The following ZNF575 variants were observed in gnomAD, a reference collection of about 807,000 sequenced individuals.
ZNF575 encodes zinc finger protein 575.
ZNF575 carries 17 observed loss-of-function variants against 17.5 expected under a neutral mutation model. The observed-to-expected ratio is 0.97, with a 90% CI of 0.66 to 1.45. ZNF575 has a LOEUF of 1.45. Ranked by LOEUF, ZNF575 falls within the 40% of genes most tolerant of loss-of-function variation. ZNF575 has a pLI of 0.00. For missense variants in ZNF575, 352 were observed against 359.2 expected (o/e 0.98, Z 0.16); for synonymous variants, 146 against 158.3 (o/e 0.92, Z 0.58).
rs1481951370 is a variant in ZNF575 at position 43,535,648 on chromosome 19, C to A, written c.699C>A (p.Arg233=). 3.1e-6 allele frequency: 5 copies of A among 1,612,808 alleles called. No individual in the cohort carries two copies. The highest frequency in any genetic ancestry group is 1.3e-5 in the African/African-American group (1 of 74,920). Residue 233 remains arginine, a synonymous_variant, in exon 4 of 4, where the codon CGC becomes CGA. Transcript: ENST00000314228. ...GQRRLLLLHQ[R]SHHQVEHKGE... is the part of the protein sequence containing the mutation. Reference sequence around the variant, plus strand: ...GACGCTTACTGCTCCTTCATCAACGCAGCCACCACCAGGTGGAGCACAAGG... The same window carrying A: ...GACGCTTACTGCTCCTTCATCAACGAAGCCACCACCAGGTGGAGCACAAGG...
Position 43,535,082 on chromosome 19 carries a change from G to A in ZNF575, c.133G>A (p.Ala45Thr), listed in dbSNP as rs1334860655. 1.3e-6 allele frequency: 2 copies of A among 1,487,132 alleles called. No homozygotes were observed. Among genetic ancestry groups the A allele is most frequent in the African/African-American group, 1.5e-5 (1 of 68,148 alleles). 92.1% of individuals were successfully genotyped at this position (1,487,132 alleles called of 1,614,324 possible). A position where few individuals can be genotyped will look rare whatever the true frequency, so the allele number is the denominator to read the frequency against. The change falls in exon 4 of 4, where the codon GCG (alanine) becomes ACG (threonine). Residue 45 changes from alanine to threonine, a missense_variant. Transcript: ENST00000314228. ...CAGCCAGTCAGCTCCAGGGCCCACC[G>A]CGTCCGCGGGCTCGCCTCCCCGGCC... ...KPSQSAPGPT[A>T]SAGSPPRPRR... is the part of the protein sequence containing the mutation.
At chr19:43,531,888 C>T (rs774491495), upstream of ZNF575, 99 of 662,376 alleles carry the variant, frequency 1.5e-4, no homozygotes, top group Non-Finnish European at 1.2e-4. Flanking sequence ...TGGGTGAGTC[C>T]CCACTCCCTA....
intron 3 of ZNF575, among the ~76,000 whole-genome samples, chr19:43,534,793 T>C (rs1209600930): frequency 2.0e-5 from 3 of 152,006 alleles, no homozygotes. Context: ...CTTGGTAGCT[T>C]TGAGGAAGCC....
rs112647205 is a variant in ZNF575, at chr19:43,534,704, G to A, written c.79+203G>A. Among the ~76,000 whole-genome samples the A allele has an allele frequency of 8.5e-3, 1,296 of 152,316 alleles. 18 individuals carry two copies. The highest frequency in any genetic ancestry group is 0.028 in the African/African-American group (1,178 of 41,568). On this transcript the variant is annotated intron_variant, in intron 3 of 3. Transcript: ENST00000314228. ...GACCATTTGCTAAGGCTCAGGAAATGAGCCTTACAGAAGGGACGGGTCAGG... is the reference window on the plus strand; with the variant it reads ...GACCATTTGCTAAGGCTCAGGAAATAAGCCTTACAGAAGGGACGGGTCAGG...
Position 43,535,553 on chromosome 19 carries a change from C to A in ZNF575, c.604C>A (p.Pro202Thr), listed in dbSNP as rs1431495755. 5 of 1,613,834 alleles carry A rather than the reference C, an allele frequency of 3.1e-6. No homozygotes were observed. Among genetic ancestry groups the A allele is most frequent in the Admixed American group, 1.7e-5 (1 of 60,000 alleles). The change falls in exon 4 of 4, where the codon CCA becomes ACA. Residue 202 changes from proline (P) to threonine (T), a missense_variant. Coordinates refer to ENST00000314228, the MANE Select transcript of ZNF575 (RefSeq NM_174945.3). ...LAAHRLCHDPPTAPGSQATAW... is the reference protein window; with the variant it reads ...LAAHRLCHDPTTAPGSQATAW... ...CGCCCATCGCCTATGTCACGACCCCCCAACCGCGCCCGGCAGCCAGGCGAC... is the reference window on the plus strand; with the variant it reads ...CGCCCATCGCCTATGTCACGACCCCACAACCGCGCCCGGCAGCCAGGCGAC...
At chr19:43,531,925 G>A (rs1972349355), upstream of ZNF575, 2 of 428,062 alleles carry the variant, frequency 4.7e-6, no homozygotes, top group South Asian at 5.2e-5. Context: ...GGGACTACAG[G>A]CTGCCATTAA....
upstream of ZNF575, chr19:43,531,991 A>C (rs1430404240): frequency 7.5e-6 from 3 of 397,988 alleles, no homozygotes; most frequent in East Asian, 1.1e-4. Context: ...GTGTCTCACT[A>C]TGTTGCCTAG....
upstream of ZNF575, among the ~76,000 whole-genome samples, chr19:43,532,195 A>G (rs1243130502): frequency 1.4e-5 from 2 of 147,132 alleles, no homozygotes; most frequent in Non-Finnish European, 3.0e-5. Flanking sequence ...TGCCTGACTA[A>G]TTTTTGTATT....
rs372073082 is a variant in ZNF575, at chr19:43,535,723, G to C, written c.*36G>C. 188 of 1,539,616 alleles carry C rather than the reference G, an allele frequency of 1.2e-4. No homozygotes were observed. The highest frequency in any genetic ancestry group is 1.6e-4 in the Non-Finnish European group (181 of 1,141,982). ...GGCTCACTGTCCCCTTCTGCCGCCA[G>C]CCCTAGCCAGTAAGAGGTGGGATTT... is the stretch of plus-strand genomic sequence containing the variant. On this transcript the variant is annotated 3_prime_UTR_variant, in exon 4 of 4. Coordinates refer to ENST00000314228, the MANE Select transcript of ZNF575 (RefSeq NM_174945.3).
Position 43,535,376 on chromosome 19 carries a change from C to CCCA in ZNF575, c.430_432dup (p.Thr144dup), listed in dbSNP as rs1482937581. ...GGCGGCTCACCTCTGGACCCACGCACCCACCCGCCCCTACCCGTGCCCCGA... is the reference window on the plus strand; with the variant it reads ...GGCGGCTCACCTCTGGACCCACGCACCCACCACCCGCCCCTACCCGTGCCCCGA... On this transcript the variant is annotated inframe_insertion, in exon 4 of 4. Transcript: ENST00000314228. The CCCA allele has an allele frequency of 1.9e-6, 3 of 1,578,834 alleles. No individual in the cohort carries two copies. The highest frequency in any genetic ancestry group is 2.6e-6 in the Non-Finnish European group (3 of 1,156,852).
rs1340947511 is a variant in ZNF575 at position 43,535,292 on chromosome 19, G to A, written c.343G>A (p.Gly115Ser). 2 of 1,605,960 alleles carry A rather than the reference G, an allele frequency of 1.2e-6. No individual in the cohort carries two copies. Among genetic ancestry groups the A allele is most frequent in the Admixed American group, 1.7e-5 (1 of 59,300 alleles). Residue 115 changes from glycine to serine, a missense_variant, in exon 4 of 4, where the codon GGC becomes AGC. Gly to Ser is a moderately conservative substitution (Grantham distance 56, BLOSUM62 0). Transcript: ENST00000314228. The stretch of plus-strand genomic sequence containing the variant: ...GGCAGCCCACCGCCTCACGCACAGC[G>A]GCGCCCGCCCGCACCCGTGCCCACA... Reference protein sequence around the residue: ...KLAAHRLTHSGARPHPCPHCP... With the variant: ...KLAAHRLTHSSARPHPCPHCP...
chr19:43,535,939 A>C lies in ZNF575; in HGVS notation c.*252A>C. On this transcript the variant is annotated 3_prime_UTR_variant, in exon 4 of 4. Transcript: ENST00000314228. The stretch of plus-strand genomic sequence containing the variant: ...TGGCTCTGCTTCTCCCCACACACTT[A>C]CATGGCAAAGGTAAAAAGTCTGCTA... 1.9e-6 allele frequency: 1 copy of C among 526,770 alleles called. No homozygotes were observed. Among genetic ancestry groups the C allele is most frequent in the Non-Finnish European group, 3.4e-6 (1 of 295,504 alleles). The allele number at this position is 526,770 out of a possible 1,614,324, so 32.6% of individuals were successfully genotyped here.
At chr19:43,531,054 G>A (rs368993191), upstream of ZNF575, among the ~76,000 whole-genome samples, 56 of 151,698 alleles carry the variant, frequency 3.7e-4, no homozygotes, top group African/African-American at 1.1e-3. Flanking sequence ...CGAAGTGGGC[G>A]GATCACCTGA....
chr19:43,535,413 CCTT>C lies in ZNF575; in HGVS notation c.467_469del (p.Phe156del). Reference sequence around the variant, plus strand: ...TACCCGTGCCCCGACTGCCCCAAGTCCTTCTGCTACCCTTCCAAGCTGGCGGCC... The same window carrying C: ...TACCCGTGCCCCGACTGCCCCAAGTCCTGCTACCCTTCCAAGCTGGCGGCC... On this transcript the variant is annotated inframe_deletion, in exon 4 of 4. Coordinates refer to ENST00000314228, the MANE Select transcript of ZNF575 (RefSeq NM_174945.3). 3 of 1,475,880 alleles carry C rather than the reference CCTT, an allele frequency of 2.0e-6. No individual in the cohort carries two copies. Among genetic ancestry groups the C allele is most frequent in the Middle Eastern group, 1.8e-4 (1 of 5,492 alleles). 91.4% of individuals were successfully genotyped at this position (1,475,880 alleles called of 1,614,324 possible).
chr19:43,535,043 C>T lies in ZNF575; in HGVS notation c.94C>T (p.Pro32Ser). 6.8e-7 allele frequency: 1 copy of T among 1,473,558 alleles called. No homozygotes were observed. 91.3% of individuals were successfully genotyped at this position (1,473,558 alleles called of 1,614,324 possible). ...CTGTCCCCCAGCTCCCCACCAGGGCCCACCGCAGAAGCCCAGCCAGTCAGC... is the reference window on the plus strand; with the variant it reads ...CTGTCCCCCAGCTCCCCACCAGGGCTCACCGCAGAAGCCCAGCCAGTCAGC... ...PVTKEAPHQG[P>S]PQKPSQSAPG... Residue 32 changes from proline (P) to serine (S), a missense_variant, in exon 4 of 4, where the codon CCA becomes TCA. By Grantham distance (74) the Pro-to-Ser change is moderately conservative. Coordinates refer to ENST00000314228, the MANE Select transcript of ZNF575 (RefSeq NM_174945.3).
chr19:43,532,802 C>G (rs1250363722), upstream of ZNF575, among the ~76,000 whole-genome samples: 1 of 152,230 alleles, frequency 6.6e-6, no homozygotes, highest in Admixed American at 6.5e-5. Context: ...TCGGGACCAC[C>G]CAGGCTTCCG....
Position 43,535,897 on chromosome 19 carries a change from C to G in ZNF575, c.*210C>G. 1.6e-6 allele frequency: 1 copy of G among 612,710 alleles called. No individual in the cohort carries two copies. Among genetic ancestry groups the G allele is most frequent in the Non-Finnish European group, 2.8e-6 (1 of 354,340 alleles). The allele number at this position is 612,710 out of a possible 1,614,324, so 38.0% of individuals were successfully genotyped here. ...GAGATCTCAAACCATGGACGTGGAG[C>G]TGTGGTTTGACAGCGCTGGCTCTGC... On this transcript the variant is annotated 3_prime_UTR_variant, in exon 4 of 4. Transcript: ENST00000314228.
chr19:43,532,361 A>G (rs1304152068), upstream of ZNF575, among the ~76,000 whole-genome samples: 1 of 151,990 alleles, frequency 6.6e-6, no homozygotes, highest in Non-Finnish European at 1.5e-5. Flanking sequence ...GGCTCAAGTG[A>G]TTCGCCCGCC....
chr19:43,534,544 C>A (rs993559734), intron 3 of ZNF575, 43 bp downstream of exon 3: 7 of 1,393,606 alleles, frequency 5.0e-6, no homozygotes, highest in South Asian at 3.3e-5. Context: ...TCTCCAGGAA[C>A]GGGGGCCAAA....
Sources: gnomAD v4.1 joint callset for allele counts (sites outside exome capture counted in the v4.1 genomes callset) on GRCh38, gnomAD v4.1.1 for gene constraint, MANE v1.5 for transcripts, NCBI Gene and HGNC (gene_info 2026-07-23, HGNC 2026-07-21) for gene names.